Variants in ZNF692 observed in about 807,000 individuals in gnomAD.
The protein encoded by ZNF692 is zinc finger protein 692.
ZNF692 carries 41 observed loss-of-function variants against 49.0 expected under a neutral mutation model. That is an observed-to-expected ratio of 0.84 (90% CI 0.65 to 1.08). The LOEUF is 1.08. Among genes scored for constraint, ZNF692 ranks in the 50% least tolerant of loss-of-function variants. The probability of loss-of-function intolerance (pLI) is 0.00; values close to 1 mark genes in which losing one functional copy is unlikely to be tolerated. For synonymous variants in ZNF692, 288 were observed against 251.5 expected, an observed-to-expected ratio of 1.15 and a Z score of -1.37; for missense variants, 662 against 662.2, an observed-to-expected ratio of 1.00 and a Z score of 0.00.
Position 248,857,218 on chromosome 1 carries a change from C to G in ZNF692, c.475+16G>C. ...TTCCTCCCTTTTCTCCATAACTCTG[C>G]TTTTTTCCAGCCTACCTGCAAGCTC... On this transcript the variant is annotated intron_variant, in intron 4 of 11. Transcript: ENST00000306601. The G allele has an allele frequency of 1.9e-6, 3 of 1,602,916 alleles. No individual in the cohort carries two copies. The highest frequency in any genetic ancestry group is 2.6e-6 in the Non-Finnish European group (3 of 1,174,042).
rs186682730 is a variant in ZNF692 at position 248,854,132 on chromosome 1, G to C, written c.1039-81C>G. The C allele has an allele frequency of 5.7e-6, 6 of 1,043,868 alleles. No individual in the cohort carries two copies. In the Admixed American group the frequency reaches 1.1e-4, roughly 19 times the overall value. 64.7% of individuals were successfully genotyped at this position (1,043,868 alleles called of 1,614,324 possible). A position where few individuals can be genotyped will look rare whatever the true frequency, so the allele number is the denominator to read the frequency against. ...ACGGAGAGATGAACTGAGCTGACCC[G>C]GCAGGCATGCTCCTCTGTCCCCTTC... On this transcript the variant is annotated intron_variant, in intron 9 of 11. Transcript: ENST00000306601.
chr1:248,850,666 C>G lies in ZNF692; in HGVS notation c.1253+16G>C. On this transcript the variant is annotated intron_variant, in intron 11 of 11. Transcript: ENST00000306601. Reference sequence around the variant, plus strand: ...CCTTCTAGCCCCTGGCCCTCAGACCCCACCCCAGCACTCACTGCAGGGGTT... The same window carrying G: ...CCTTCTAGCCCCTGGCCCTCAGACCGCACCCCAGCACTCACTGCAGGGGTT... 1 of 1,613,580 alleles carries G rather than the reference C, an allele frequency of 6.2e-7. No individual in the cohort carries two copies.
At chr1:248,853,713 T>C (rs957266968) in intron 10 of ZNF692, among the ~76,000 whole-genome samples, 4 of 152,252 alleles carry the variant, frequency 2.6e-5, no homozygotes, top group African/African-American at 9.6e-5. Flanking sequence ...TGTTCATTGC[T>C]GTACCCAGTA....
At chr1:248,856,457 C>T in intron 5 of ZNF692, 35 bp from the exon 6 acceptor site, 1 of 1,614,218 alleles carries the variant, frequency 6.2e-7, no homozygotes, top group African/African-American at 1.3e-5. Flanking sequence ...TGAGGTCCTG[C>T]TCCCTCATCC....
intron 10 of ZNF692, among the ~76,000 whole-genome samples, chr1:248,852,503 A>T (rs1659718256): frequency 6.6e-6 from 1 of 152,006 alleles, no homozygotes; most frequent in Non-Finnish European, 1.5e-5. Flanking sequence ...TCCCATCTCC[A>T]TGCCCTGAGC....
In ZNF692 at chr1:248,857,334, A is replaced by G. The variant is rs745678815; in HGVS notation, c.375T>C (p.Ser125=). 6.2e-7 allele frequency: 1 copy of G among 1,614,044 alleles called. No homozygotes were observed. The highest frequency in any genetic ancestry group is 8.5e-7 in the Non-Finnish European group (1 of 1,179,984). ...SAGHTFSWGP[S]LSPTPSEAPK... is the part of the protein sequence containing the mutation. ...GTGCCTCTGAAGGTGTAGGGCTCAA[A>G]GAGGGTCCCCAGGAGAAGGTATGGC... The change falls in exon 4 of 12, where the codon TCT becomes TCC. Residue 125 remains serine (S), a synonymous_variant. Coordinates refer to ENST00000306601, the MANE Select transcript of ZNF692 (RefSeq NM_017865.4).
At position 248,856,222 on chromosome 1, in the gene ZNF692, C is replaced by T. The variant is rs1660217081; in HGVS notation, c.659+66G>A. The T allele has an allele frequency of 3.4e-5, 52 of 1,531,898 alleles. No homozygotes were observed. The South Asian group carries it at 6.6e-4, about 20-fold the overall frequency. The allele number at this position is 1,531,898 out of a possible 1,614,324, so 94.9% of individuals were successfully genotyped here. A position where few individuals can be genotyped will look rare whatever the true frequency, so the allele number is the denominator to read the frequency against. ...AAGCCCTTCCCTCTAGTCTGCAAAG[C>T]CATGAACTGCCAGGCCAGCTGCCTC... On this transcript the variant is annotated intron_variant, in intron 6 of 11. Coordinates refer to ENST00000306601, the MANE Select transcript of ZNF692 (RefSeq NM_017865.4).
intron 10 of ZNF692, 84 bp downstream of exon 10, chr1:248,853,853 A>C: frequency 9.2e-7 from 1 of 1,081,316 alleles, no homozygotes; most frequent in Non-Finnish European, 1.4e-6. Flanking sequence ...GGGGGAGGTG[A>C]AGAAACCCAC....
chr1:248,850,034 T>G lies in ZNF692; in HGVS notation c.*176A>C. Reference sequence around the variant, plus strand: ...GCATAAAATACTGTTTATTTTGTCCTTTAGGAAGACTAAAGTAGTCCAGCT... The same window carrying G: ...GCATAAAATACTGTTTATTTTGTCCGTTAGGAAGACTAAAGTAGTCCAGCT... On this transcript the variant is annotated 3_prime_UTR_variant, in exon 12 of 12. Coordinates refer to ENST00000306601, the MANE Select transcript of ZNF692 (RefSeq NM_017865.4). 1 of 610,260 alleles carries G rather than the reference T, an allele frequency of 1.6e-6. No individual in the cohort carries two copies. The highest frequency in any genetic ancestry group is 2.7e-6 in the Non-Finnish European group (1 of 374,626). 37.8% of individuals were successfully genotyped at this position (610,260 alleles called of 1,614,324 possible).
At chr1:248,850,617 C>T in intron 11 of ZNF692, 65 bp downstream of exon 11, 1 of 1,606,380 alleles carries the variant, frequency 6.2e-7, no homozygotes. Flanking sequence ...TCCTATATGC[C>T]TAGCTTCCAG....
Position 248,858,425 on chromosome 1 carries a change from GC to G in ZNF692, c.-12-105del, listed in dbSNP as rs1660506238. On this transcript the variant is annotated intron_variant, in intron 1 of 11. Coordinates refer to ENST00000306601, the MANE Select transcript of ZNF692 (RefSeq NM_017865.4). The surrounding 1 kb of genome is among the most constrained non-coding windows in gnomAD (Gnocchi z 4.3). Reference sequence around the variant, plus strand: ...TCAGTTTCCTCATCAGTGAACTGGGGCAAGACTAAACTATTTCAATAGCAGT... The same window carrying G: ...TCAGTTTCCTCATCAGTGAACTGGGGAAGACTAAACTATTTCAATAGCAGT... The G allele has an allele frequency of 6.4e-7, 1 of 1,550,944 alleles. No homozygotes were observed. The highest frequency in any genetic ancestry group is 8.7e-7 in the Non-Finnish European group (1 of 1,146,336).
chr1:248,858,288 C>T lies in ZNF692; in HGVS notation c.22G>A (p.Asp8Asn). Residue 8 changes from aspartate to asparagine, a missense_variant, in exon 2 of 12, where the codon GAC becomes AAC. By Grantham distance (23) the Asp-to-Asn change is conservative. Transcript: ENST00000306601. The surrounding 1 kb of genome is among the most constrained non-coding windows in gnomAD (Gnocchi z 4.3). ...TTCTCCCGCCGCCTGCAGGACACGT[C>T]CACCGCCGGGGAGGAAGCCATGTGC... MASSPAV[D>N]VSCRRREKRR... 1 of 1,573,328 alleles carries T rather than the reference C, an allele frequency of 6.4e-7. No individual in the cohort carries two copies. The highest frequency in any genetic ancestry group is 1.1e-5 in the South Asian group (1 of 87,774).
In ZNF692 at chr1:248,858,067, T is replaced by C; in HGVS notation, c.179+64A>G. The C allele has an allele frequency of 6.4e-7, 1 of 1,553,484 alleles. No homozygotes were observed. The highest frequency in any genetic ancestry group is 8.7e-7 in the Non-Finnish European group (1 of 1,154,630). ...TGGAAAAGAGCAGCAGGACAGGCCC[T>C]GGAGAGGAGGCTAGGGGCTGCTGCC... On this transcript the variant is annotated intron_variant, in intron 2 of 11. Transcript: ENST00000306601. This position sits in a 1 kb window ranked among gnomAD's most constrained non-coding sequence, Gnocchi z 4.3.
Position 248,856,511 on chromosome 1 carries a change from C to T in ZNF692, c.524+3G>A, listed in dbSNP as rs780167348. The T allele has an allele frequency of 3.1e-6, 5 of 1,614,258 alleles. No individual in the cohort carries two copies. The highest frequency in any genetic ancestry group is 1.7e-6 in the Non-Finnish European group (2 of 1,180,040). Reference sequence around the variant, plus strand: ...GCCTTTTCTCTCCTATCCACATCCTCACCTGGGCAACCTGGCCTCTTGAGT... The same window carrying T: ...GCCTTTTCTCTCCTATCCACATCCTTACCTGGGCAACCTGGCCTCTTGAGT... On this transcript the variant is annotated splice_donor_region_variant and intron_variant, in intron 5 of 11. Coordinates refer to ENST00000306601, the MANE Select transcript of ZNF692 (RefSeq NM_017865.4).
In ZNF692 at chr1:248,851,328, C is replaced by T. The variant is rs111712802; in HGVS notation, c.1154-547G>A. Among the ~76,000 whole-genome samples, 13 of 152,202 alleles carry T rather than the reference C, an allele frequency of 8.5e-5. 1 individual carries two copies. The highest frequency in any genetic ancestry group is 2.6e-4 in the African/African-American group (11 of 41,522). ...AGCTACCTGTCTGCAGGCAGCCAGT[C>T]CCCTCTCCTCTTTTTCCCTGAGCCT... On this transcript the variant is annotated intron_variant, in intron 10 of 11. Coordinates refer to ENST00000306601, the MANE Select transcript of ZNF692 (RefSeq NM_017865.4).
Position 248,856,008 on chromosome 1 carries a change from C to T in ZNF692, c.660-62G>A, listed in dbSNP as rs925058803. ...TCTGGGCAGTCAGCCATCCCCTGCCCGACCCTAGCCCCTAAACTGAAAAGA... is the reference window on the plus strand; with the variant it reads ...TCTGGGCAGTCAGCCATCCCCTGCCTGACCCTAGCCCCTAAACTGAAAAGA... On this transcript the variant is annotated intron_variant, in intron 6 of 11. Coordinates refer to ENST00000306601, the MANE Select transcript of ZNF692 (RefSeq NM_017865.4). 61 of 1,517,606 alleles carry T rather than the reference C, an allele frequency of 4.0e-5. No individual in the cohort carries two copies. In the East Asian group the frequency reaches 5.9e-4, roughly 15 times the overall value. The allele number at this position is 1,517,606 out of a possible 1,614,324, so 94.0% of individuals were successfully genotyped here.
intron 6 of ZNF692, 27 bp downstream of exon 6, chr1:248,856,261 G>A (rs1463457005): frequency 6.4e-7 from 1 of 1,559,240 alleles, no homozygotes; most frequent in African/African-American, 1.4e-5. Flanking sequence ...CTCTTGCTCT[G>A]CTCATTCTCC....
Position 248,850,775 on chromosome 1 carries a change from C to T in ZNF692, c.1160G>A (p.Arg387Gln), listed in dbSNP as rs778247615. The T allele has an allele frequency of 1.2e-5, 20 of 1,613,886 alleles. No homozygotes were observed. The highest frequency in any genetic ancestry group is 8.9e-5 in the East Asian group (4 of 44,892). Residue 387 changes from arginine (R) to glutamine (Q), a missense_variant, in exon 11 of 12, where the codon CGG (arginine) becomes CAG (glutamine). Coordinates refer to ENST00000306601, the MANE Select transcript of ZNF692 (RefSeq NM_017865.4). ...KEHMKLHSDTRDYICEFCARS... is the reference protein window; with the variant it reads ...KEHMKLHSDTQDYICEFCARS... ...GGCGCAGAACTCACAGATGTAGTCC[C>T]GGGTGTCTGCAGGCATATGAGGGAC...
At chr1:248,856,232 C>A in intron 6 of ZNF692, 56 bp downstream of exon 6, 1 of 1,533,610 alleles carries the variant, frequency 6.5e-7, no homozygotes, top group Non-Finnish European at 8.7e-7. Flanking sequence ...CCATGAACTG[C>A]CAGGCCAGCT....
Sources: allele counts gnomAD v4.1 joint callset (sites outside exome capture counted in the v4.1 genomes callset), GRCh38; gene constraint gnomAD v4.1.1; non-coding constraint Gnocchi (gnomAD v3.1); transcripts MANE v1.5; gene names NCBI Gene and HGNC (gene_info 2026-07-23, HGNC 2026-07-21).